The following CNBD1 variants were observed in gnomAD, a reference collection of about 807,000 sequenced individuals.
The protein encoded by CNBD1 is cyclic nucleotide-binding domain-containing protein 1.
A neutral mutation model predicts 54.4 loss-of-function variants in CNBD1; 71 were observed. The ratio of observed to expected loss-of-function variants is 1.30; its 90% CI spans 1.08 to 1.59. The LOEUF (loss-of-function observed/expected upper bound fraction) is 1.59. Ranked by LOEUF, CNBD1 falls within the 40% of genes most tolerant of loss-of-function variation. The pLI is 0.00. For synonymous variants in CNBD1, 182 were observed against 170.7 expected, an observed-to-expected ratio of 1.07 and a Z score of -0.51; for missense variants, 659 against 518.0, an observed-to-expected ratio of 1.27 and a Z score of -2.64.
intron 5 of CNBD1, among the ~76,000 whole-genome samples, chr8:87,209,875 G>T (rs1016716320): frequency 2.0e-5 from 3 of 152,096 alleles, no homozygotes; most frequent in South Asian, 2.1e-4. Context: ...ATCTTGAATT[G>T]CATTGCCCAT....
chr8:87,048,264 G>A (rs1482883707), intron 4 of CNBD1, among the ~76,000 whole-genome samples: 1 of 152,128 alleles, frequency 6.6e-6, no homozygotes, highest in African/African-American at 2.4e-5. Flanking sequence ...AGTGGGCAAG[G>A]AGGTTATATA....
chr8:87,225,230 T>A (rs1432940613), intron 5 of CNBD1, among the ~76,000 whole-genome samples: 1 of 147,074 alleles, frequency 6.8e-6, no homozygotes, highest in Non-Finnish European at 1.5e-5. Context: ...TTGAATACCC[T>A]TTATTTCCTT....
chr8:87,415,115 C>T (rs929447419), intron 2 of CNBD1, among the ~76,000 whole-genome samples: 8 of 152,038 alleles, frequency 5.3e-5, no homozygotes, highest in African/African-American at 1.9e-4. Context: ...AGTGTATCCC[C>T]AAAGGTGCTT....
chr8:87,419,411 A>G (rs910833332), intron 2 of CNBD1, among the ~76,000 whole-genome samples: 2 of 151,930 alleles, frequency 1.3e-5, no homozygotes, highest in Admixed American at 6.6e-5. Context: ...GAAAACCACT[A>G]AACTGTACTG....
chr8:86,896,867 A>T (rs1808854917), intron 2 of CNBD1, among the ~76,000 whole-genome samples: 1 of 152,196 alleles, frequency 6.6e-6, no homozygotes, highest in Non-Finnish European at 1.5e-5. Context: ...AATTGCTACA[A>T]ATAACCCAAT....
chr8:87,387,372 C>T (rs555308576), downstream of CNBD1, among the ~76,000 whole-genome samples: 2,070 of 151,546 alleles, frequency 0.014, 47 homozygotes, highest in African/African-American at 0.045. Context: ...TCTCACGTGC[C>T]GAGACACACA....
chr8:87,309,660 C>T (rs1809224674), intron 8 of CNBD1, among the ~76,000 whole-genome samples: 1 of 152,028 alleles, frequency 6.6e-6, no homozygotes, highest in Non-Finnish European at 1.5e-5. Context: ...ATATCTTTAT[C>T]ACTTATACCT....
intron 4 of CNBD1, among the ~76,000 whole-genome samples, chr8:87,139,923 T>C (rs958033258): frequency 6.6e-6 from 1 of 152,190 alleles, no homozygotes; most frequent in South Asian, 2.1e-4. Flanking sequence ...TTATTTGGAA[T>C]GGAGGCTTGA....
intron 2 of CNBD1, among the ~76,000 whole-genome samples, chr8:87,392,196 T>C (rs1811323014): frequency 6.6e-6 from 1 of 152,006 alleles, no homozygotes; most frequent in South Asian, 2.1e-4. Context: ...CTCTCATACA[T>C]AGCTTGTGGA....
intron 9 of CNBD1, among the ~76,000 whole-genome samples, chr8:87,352,285 C>G (rs148088846): frequency 1.5e-3 from 223 of 152,134 alleles, no homozygotes; most frequent in African/African-American, 4.9e-3. Flanking sequence ...TCGAGACCAT[C>G]CTGGCCAACA....
intron 10 of CNBD1, among the ~76,000 whole-genome samples, chr8:87,354,048 G>T (rs192378213): frequency 6.6e-6 from 1 of 152,032 alleles, no homozygotes; most frequent in Non-Finnish European, 1.5e-5. Context: ...GAGGTTTGAT[G>T]CAGGGGCTGC....
intron 4 of CNBD1, among the ~76,000 whole-genome samples, chr8:86,986,597 T>A (rs1808612811): frequency 6.6e-6 from 1 of 152,220 alleles, no homozygotes; most frequent in African/African-American, 2.4e-5. Context: ...AAAGCTAGCA[T>A]TGAAAAGGAT....
intron 5 of CNBD1, among the ~76,000 whole-genome samples, chr8:87,228,167 T>G (rs1294663957): frequency 6.6e-6 from 1 of 150,480 alleles, no homozygotes; most frequent in Non-Finnish European, 1.5e-5. Flanking sequence ...AGTTTTCTAC[T>G]TCTTTGCCTT....
intron 9 of CNBD1, 98 bp from the exon 10 acceptor site, chr8:87,353,538 T>C: frequency 1.4e-6 from 1 of 724,396 alleles, no homozygotes; most frequent in Non-Finnish European, 2.2e-6. Flanking sequence ...AAATATCATT[T>C]AGTAAAATGG....
chr8:86,986,979 T>A (rs1320787719), intron 4 of CNBD1, among the ~76,000 whole-genome samples: 1 of 152,188 alleles, frequency 6.6e-6, no homozygotes, highest in Non-Finnish European at 1.5e-5. Flanking sequence ...TTAGGATTGC[T>A]TTGGCTATTC....
At chr8:87,258,801 G>A (rs1808072406) in intron 6 of CNBD1, among the ~76,000 whole-genome samples, 1 of 152,026 alleles carries the variant, frequency 6.6e-6, no homozygotes, top group Non-Finnish European at 1.5e-5. Context: ...GAAAACTTGT[G>A]CTTTAAGAAA....
At chr8:87,177,617 A>G (rs1813226720) in intron 4 of CNBD1, among the ~76,000 whole-genome samples, 1 of 152,196 alleles carries the variant, frequency 6.6e-6, no homozygotes, top group Non-Finnish European at 1.5e-5. Flanking sequence ...TGCTGCTTAT[A>G]AATTCTTTTT....
intron 4 of CNBD1, among the ~76,000 whole-genome samples, chr8:87,194,878 TTTTG>T (rs777334219): frequency 7.2e-5 from 11 of 152,064 alleles, no homozygotes; most frequent in South Asian, 4.1e-4. Flanking sequence ...TTGTTTTTTG[TTTTG>T]TTTGTTTGTT....
chr8:87,361,308 T>G (rs1810520163), intron 10 of CNBD1, among the ~76,000 whole-genome samples: 1 of 151,876 alleles, frequency 6.6e-6, no homozygotes, highest in Admixed American at 6.6e-5. Context: ...AAATAATATT[T>G]TATTTGCAAA....
Sources: allele counts gnomAD v4.1 joint callset (sites outside exome capture counted in the v4.1 genomes callset), GRCh38; gene constraint gnomAD v4.1.1; transcripts MANE v1.5; gene names NCBI Gene and HGNC (gene_info 2026-07-23, HGNC 2026-07-21).